CCDC85C: variants seen among roughly 807,000 people sequenced by gnomAD.
CCDC85C encodes coiled-coil domain containing 85C.
A neutral mutation model predicts 38.3 loss-of-function variants in CCDC85C; 18 were observed. That is an observed-to-expected ratio of 0.47 (90% CI 0.33 to 0.70). The LOEUF (loss-of-function observed/expected upper bound fraction) is 0.70. CCDC85C is among the 30% of genes least tolerant of loss of function. CCDC85C has a pLI of 0.03. For synonymous variants in CCDC85C, 264 were observed against 293.8 expected (o/e 0.90, Z 1.04); for missense variants, 566 against 621.2 (o/e 0.91, Z 0.94).
rs1410733022 is a variant in CCDC85C, at chr14:99,548,005, CTT to C, written c.794-11919_794-11918del. ...AGAACATTTTAAAGAAAAATAAAAA[CTT>C]GAGCTTTCAGGTAGAAAAGGATTTC... On this transcript the variant is annotated intron_variant, in intron 1 of 5. Coordinates refer to ENST00000380243, the MANE Select transcript of CCDC85C (RefSeq NM_001144995.2). The surrounding 1 kb of genome is among the most constrained non-coding windows in gnomAD (Gnocchi z 4.9). Among the ~76,000 whole-genome samples the C allele has an allele frequency of 6.6e-6, 1 of 151,914 alleles. No homozygotes were observed. The highest frequency in any genetic ancestry group is 2.4e-5 in the African/African-American group (1 of 41,346).
Position 99,502,823 on chromosome 14 carries a change from C to G in CCDC85C, c.*12423G>C, listed in dbSNP as rs768325984. ...GCCCCCATCTCTTCAGCCTACACCA[C>G]AAGTGCCGCAAGTACAGCAGTCACA... is the stretch of plus-strand genomic sequence containing the variant. On this transcript the variant is annotated 3_prime_UTR_variant, in exon 6 of 6. Coordinates refer to ENST00000380243, the MANE Select transcript of CCDC85C (RefSeq NM_001144995.2). 1 of 1,613,774 alleles carries G rather than the reference C, an allele frequency of 6.2e-7. No homozygotes were observed. Among genetic ancestry groups the G allele is most frequent in the Non-Finnish European group, 8.5e-7 (1 of 1,179,816 alleles).
rs746022344 is a variant in CCDC85C at position 99,501,368 on chromosome 14, A to G, written c.*13878T>C. On this transcript the variant is annotated 3_prime_UTR_variant, in exon 6 of 6. Transcript: ENST00000380243. ...TCCCCATTTCTAGGTGATAAAAACAAAATTCAAAAGTTGGTTCAAATGGCA... is the reference window on the plus strand; with the variant it reads ...TCCCCATTTCTAGGTGATAAAAACAGAATTCAAAAGTTGGTTCAAATGGCA... The G allele has an allele frequency of 1.6e-5, 25 of 1,605,546 alleles. No homozygotes were observed. Among genetic ancestry groups the G allele is most frequent in the Non-Finnish European group, 2.1e-5 (25 of 1,174,042 alleles).
Position 99,502,765 on chromosome 14 carries a change from G to A in CCDC85C, c.*12481C>T, listed in dbSNP as rs1370067938. The A allele has an allele frequency of 1.2e-6, 2 of 1,613,610 alleles. No homozygotes were observed. Among genetic ancestry groups the A allele is most frequent in the African/African-American group, 1.3e-5 (1 of 74,838 alleles). ...ATCTTTACTCACAAGGAAAACAACA[G>A]ATGCCTCATCACACCCCCCATCAGC... is the stretch of plus-strand genomic sequence containing the variant. On this transcript the variant is annotated 3_prime_UTR_variant, in exon 6 of 6. Transcript: ENST00000380243.
At position 99,509,298 on chromosome 14, in the gene CCDC85C, G is replaced by A. The variant is rs1005530284; in HGVS notation, c.*5948C>T. On this transcript the variant is annotated 3_prime_UTR_variant, in exon 6 of 6. Coordinates refer to ENST00000380243, the MANE Select transcript of CCDC85C (RefSeq NM_001144995.2). ...TTCTGTGTGTTTGGCTACCTGTGGT[G>A]GGGTGTTGCGATGTCATTTTCCAGT... 41 of 152,418 alleles carry A rather than the reference G, an allele frequency of 2.7e-4. 1 individual carries two copies. The highest frequency in any genetic ancestry group is 9.4e-4 in the African/African-American group (39 of 41,576). The allele number at this position is 152,418 out of a possible 1,614,324, so 9.4% of individuals were successfully genotyped here.
Position 99,535,918 on chromosome 14 carries a change from A to T in CCDC85C, c.867+97T>A. 1 of 892,866 alleles carries T rather than the reference A, an allele frequency of 1.1e-6. No homozygotes were observed. Among genetic ancestry groups the T allele is most frequent in the South Asian group, 1.5e-5 (1 of 68,946 alleles). 55.3% of individuals were successfully genotyped at this position (892,866 alleles called of 1,614,324 possible). ...GGTGGCAGTGGGAGCAGTTGGGGGG[A>T]CAGCCTAGGTCCCAAGGGGAAGGGT... On this transcript the variant is annotated intron_variant, in intron 2 of 5. Transcript: ENST00000380243. This position sits in a 1 kb window ranked among gnomAD's most constrained non-coding sequence, Gnocchi z 5.5.
intron 1 of CCDC85C, among the ~76,000 whole-genome samples, chr14:99,556,527 T>C (rs2144809): frequency 0.54 from 81,983 of 152,006 alleles, 22,381 homozygotes; most frequent in African/African-American, 0.61. Flanking sequence ...AAGTTCTCGT[T>C]CTTTTTTTGC....
In CCDC85C at chr14:99,510,430, C is replaced by T; in HGVS notation, c.*4816G>A. 6.5e-7 allele frequency: 1 copy of T among 1,547,238 alleles called. No homozygotes were observed. Among genetic ancestry groups the T allele is most frequent in the Non-Finnish European group, 8.7e-7 (1 of 1,146,066 alleles). On this transcript the variant is annotated 3_prime_UTR_variant, in exon 6 of 6. Coordinates refer to ENST00000380243, the MANE Select transcript of CCDC85C (RefSeq NM_001144995.2). Reference sequence around the variant, plus strand: ...CCCTCCTACGGTGCCCTGCCCCCCGCCTACGGCCCACCTGCACACCTGCCC... The same window carrying T: ...CCCTCCTACGGTGCCCTGCCCCCCGTCTACGGCCCACCTGCACACCTGCCC...
Position 99,514,951 on chromosome 14 carries a change from T to C in CCDC85C, c.*295A>G. 1 of 317,022 alleles carries C rather than the reference T, an allele frequency of 3.2e-6. No individual in the cohort carries two copies. Among genetic ancestry groups the C allele is most frequent in the South Asian group, 3.7e-5 (1 of 26,830 alleles). 19.6% of individuals were successfully genotyped at this position (317,022 alleles called of 1,614,324 possible). A position where few individuals can be genotyped will look rare whatever the true frequency, so the allele number is the denominator to read the frequency against. ...TGGATCTCAGAAGCAGCCTGCAGCC[T>C]CTTGCTCATGGAGCCCAGGGCCCAG... On this transcript the variant is annotated 3_prime_UTR_variant, in exon 6 of 6. Coordinates refer to ENST00000380243, the MANE Select transcript of CCDC85C (RefSeq NM_001144995.2).
Position 99,516,385 on chromosome 14 carries a change from A to C in CCDC85C, c.1072-99T>G. Reference sequence around the variant, plus strand: ...CCTCAGCCTCCCCTGCTGCGAACCAAAGCTGAGGACCCTGAGCCGCTGGGC... The same window carrying C: ...CCTCAGCCTCCCCTGCTGCGAACCACAGCTGAGGACCCTGAGCCGCTGGGC... On this transcript the variant is annotated intron_variant, in intron 4 of 5. Coordinates refer to ENST00000380243, the MANE Select transcript of CCDC85C (RefSeq NM_001144995.2). This position sits in a 1 kb window ranked among gnomAD's most constrained non-coding sequence, Gnocchi z 5.5. 1.1e-6 allele frequency: 1 copy of C among 875,442 alleles called. No homozygotes were observed. The highest frequency in any genetic ancestry group is 1.8e-6 in the Non-Finnish European group (1 of 546,902). 54.2% of individuals were successfully genotyped at this position (875,442 alleles called of 1,614,324 possible). A position where few individuals can be genotyped will look rare whatever the true frequency, so the allele number is the denominator to read the frequency against.
chr14:99,567,101 G>A (rs905296264), intron 1 of CCDC85C, among the ~76,000 whole-genome samples: 1 of 151,666 alleles, frequency 6.6e-6, no homozygotes, highest in Non-Finnish European at 1.5e-5. Context: ...CCATCTCTGG[G>A]CCTCAGCCTT....
In CCDC85C at chr14:99,572,785, C is replaced by T; in HGVS notation, c.793+30382G>A. On this transcript the variant is annotated intron_variant, in intron 1 of 5. Transcript: ENST00000380243. The surrounding 1 kb of genome is among the most constrained non-coding windows in gnomAD (Gnocchi z 4.4). ...TTTATCCATCTTCCAAAGGAGACTT[C>T]TGTCTGTCTTGCTTCATGGAAGTAT... is the stretch of plus-strand genomic sequence containing the variant. 4.4e-6 allele frequency: 2 copies of T among 456,122 alleles called. No homozygotes were observed. The highest frequency in any genetic ancestry group is 8.8e-6 in the Non-Finnish European group (2 of 226,806). 28.3% of individuals were successfully genotyped at this position (456,122 alleles called of 1,614,324 possible). A position where few individuals can be genotyped will look rare whatever the true frequency, so the allele number is the denominator to read the frequency against.
intron 1 of CCDC85C, among the ~76,000 whole-genome samples, chr14:99,590,993 C>A (rs1437769450): frequency 6.6e-6 from 1 of 152,066 alleles, no homozygotes; most frequent in Non-Finnish European, 1.5e-5. Flanking sequence ...GCTCATTTAA[C>A]CCCAAGAGGC....
At chr14:99,592,590 G>A (rs1263122222) in intron 1 of CCDC85C, among the ~76,000 whole-genome samples, 2 of 152,252 alleles carry the variant, frequency 1.3e-5, no homozygotes, top group Non-Finnish European at 2.9e-5. Context: ...AAGTTGAGAT[G>A]AGAAGAGGCT....
chr14:99,526,142 T>G (rs1354992244), intron 2 of CCDC85C, among the ~76,000 whole-genome samples: 2 of 152,206 alleles, frequency 1.3e-5, no homozygotes, highest in African/African-American at 4.8e-5. Context: ...CAGACTCTCC[T>G]GGGTCAGGTG....
chr14:99,525,207 C>G (rs139898771), intron 2 of CCDC85C, among the ~76,000 whole-genome samples: 2 of 152,218 alleles, frequency 1.3e-5, no homozygotes, highest in African/African-American at 2.4e-5. Context: ...CCAGCGAGGA[C>G]TCGCTGGGTG....
Position 99,569,870 on chromosome 14 carries a change from G to A in CCDC85C, c.793+33297C>T, listed in dbSNP as rs1485289413. Among the ~76,000 whole-genome samples the A allele has an allele frequency of 6.6e-6, 1 of 152,120 alleles. No individual in the cohort carries two copies. ...TCCCAACTTTGGGAAGCTGAGGCGG[G>A]AGGATAGCATGAGCCCAGGAGGTCA... On this transcript the variant is annotated intron_variant, in intron 1 of 5. Coordinates refer to ENST00000380243, the MANE Select transcript of CCDC85C (RefSeq NM_001144995.2). The surrounding 1 kb of genome is among the most constrained non-coding windows in gnomAD (Gnocchi z 4.3).
chr14:99,503,330 C>G lies in CCDC85C; in HGVS notation c.*11916G>C, dbSNP rs181165066. 1 of 602,154 alleles carries G rather than the reference C, an allele frequency of 1.7e-6. No homozygotes were observed. The highest frequency in any genetic ancestry group is 1.9e-5 in the African/African-American group (1 of 53,880). 37.3% of individuals were successfully genotyped at this position (602,154 alleles called of 1,614,324 possible). ...CCTGACCCCAAACAGTGGACCGTTT[C>G]CTGCACCCAAGTGGTCCTGAAACTT... On this transcript the variant is annotated 3_prime_UTR_variant, in exon 6 of 6. Coordinates refer to ENST00000380243, the MANE Select transcript of CCDC85C (RefSeq NM_001144995.2).
chr14:99,570,203 A>T (rs1182967649), intron 1 of CCDC85C, among the ~76,000 whole-genome samples: 1 of 152,190 alleles, frequency 6.6e-6, no homozygotes, highest in Admixed American at 6.5e-5. Context: ...CAATATGGAA[A>T]GTTCTAGCAT....
rs900731472 is a variant in CCDC85C, at chr14:99,533,311, A to G, written c.867+2704T>C. Among the ~76,000 whole-genome samples the G allele has an allele frequency of 2.6e-4, 39 of 152,202 alleles. No individual in the cohort carries two copies. The highest frequency in any genetic ancestry group is 9.2e-4 in the African/African-American group (38 of 41,456). On this transcript the variant is annotated intron_variant, in intron 2 of 5. Transcript: ENST00000380243. The surrounding 1 kb of genome is among the most constrained non-coding windows in gnomAD (Gnocchi z 4.2). Reference sequence around the variant, plus strand: ...CCTGCTGCAGAGTCCATGCTGAGAAAGCAGCTAGGGATGGGCCCTGGGTGC... The same window carrying G: ...CCTGCTGCAGAGTCCATGCTGAGAAGGCAGCTAGGGATGGGCCCTGGGTGC...
Sources: allele counts gnomAD v4.1 joint callset (sites outside exome capture counted in the v4.1 genomes callset), GRCh38; gene constraint gnomAD v4.1.1; non-coding constraint Gnocchi (gnomAD v3.1); transcripts MANE v1.5; gene names NCBI Gene and HGNC (gene_info 2026-07-23, HGNC 2026-07-21).